Variants in CTNNA2 observed in about 807,000 individuals in gnomAD.
CTNNA2 encodes the protein catenin alpha 2.
CTNNA2 carries 42 observed loss-of-function variants against 101.0 expected under a neutral mutation model. The observed-to-expected ratio is 0.42, with a 90% CI of 0.32 to 0.54. The LOEUF (loss-of-function observed/expected upper bound fraction) is 0.54. Ranked by LOEUF, CTNNA2 falls within the 20% of genes least tolerant of loss-of-function variation. CTNNA2 has a pLI of 0.14. For synonymous variants in CTNNA2, 450 were observed against 456.4 expected (o/e 0.99, Z 0.18); for missense variants, 871 against 1,223.1 (o/e 0.71, Z 4.29).
At chr2:79,972,594 T>C (rs773927050) in intron 7 of CTNNA2, among the ~76,000 whole-genome samples, 20 of 152,118 alleles carry the variant, frequency 1.3e-4, no homozygotes, top group South Asian at 8.3e-4. Flanking sequence ...AAAAATTAGA[T>C]ATGCTGGAGT....
At chr2:80,278,416 G>T in intron 7 of CTNNA2, among the ~76,000 whole-genome samples, 1 of 152,062 alleles carries the variant, frequency 6.6e-6, no homozygotes, top group East Asian at 1.9e-4. Flanking sequence ...GCCACCTACT[G>T]GTGGTTGAAG....
Position 79,869,987 on chromosome 2 carries a change from C to A in CTNNA2, c.585+52C>A, listed in dbSNP as rs763390856. On this transcript the variant is annotated intron_variant, in intron 5 of 18. Coordinates refer to ENST00000402739, the MANE Select transcript of CTNNA2 (RefSeq NM_001282597.3). ...GGAGAAAATGGGTGAGTTTAAATAA[C>A]CCTGTAGCTTTTTAGGCCTGAACAA... The A allele has an allele frequency of 3.1e-6, 5 of 1,597,270 alleles. No homozygotes were observed. The Admixed American group carries it at 6.8e-5, about 22-fold the overall frequency.
rs544617238 is a variant in CTNNA2 at position 79,865,626 on chromosome 2, A to G, written c.466-4190A>G. ...AGGCAGGGATGTATCAGACTCCTCA[A>G]TTCCACACTATCCCATCCCCAGATG... is the stretch of plus-strand genomic sequence containing the variant. On this transcript the variant is annotated intron_variant, in intron 4 of 18. Coordinates refer to ENST00000402739, the MANE Select transcript of CTNNA2 (RefSeq NM_001282597.3). Among the ~76,000 whole-genome samples, 42 of 152,350 alleles carry G rather than the reference A, an allele frequency of 2.8e-4. 1 individual carries two copies. In the South Asian group the frequency reaches 8.3e-3, roughly 30 times the overall value.
intron 13 of CTNNA2, among the ~76,000 whole-genome samples, chr2:80,577,296 A>T (rs80251174): frequency 0.011 from 1,713 of 152,180 alleles, 38 homozygotes; most frequent in African/African-American, 0.04. Context: ...CCTAAAGGGG[A>T]TAGAGCTTCT....
At chr2:80,272,924 A>C (rs920986085) in intron 7 of CTNNA2, among the ~76,000 whole-genome samples, 2 of 152,166 alleles carry the variant, frequency 1.3e-5, no homozygotes, top group African/African-American at 4.8e-5. Context: ...AGAAAATCTG[A>C]AAGACCAAAC....
Position 80,588,660 on chromosome 2 carries a change from T to C in CTNNA2, c.2008-644T>C, listed in dbSNP as rs902556396. ...TTTATCCTTTATCCCATTATAACTT[T>C]TCTGCCTACGTACTCAAAGGCTTTA... is the stretch of plus-strand genomic sequence containing the variant. On this transcript the variant is annotated intron_variant, in intron 14 of 18. Coordinates refer to ENST00000402739, the MANE Select transcript of CTNNA2 (RefSeq NM_001282597.3). Among the ~76,000 whole-genome samples, 5 of 152,312 alleles carry C rather than the reference T, an allele frequency of 3.3e-5. No homozygotes were observed. In the East Asian group the frequency reaches 9.6e-4, roughly 29 times the overall value.
rs1410736508 is a variant in CTNNA2 at position 80,205,883 on chromosome 2, T to G, written c.1057-187328T>G. On this transcript the variant is annotated intron_variant, in intron 7 of 18. Coordinates refer to ENST00000402739, the MANE Select transcript of CTNNA2 (RefSeq NM_001282597.3). ...TTAAAAATCCAAAGTTCTGACATCT[T>G]GAATATAACAACTGACACTAAAAGT... Among the ~76,000 whole-genome samples the G allele has an allele frequency of 2.0e-5, 3 of 152,240 alleles. No individual in the cohort carries two copies. In the East Asian group the frequency reaches 5.8e-4, roughly 29 times the overall value.
Position 79,316,362 on chromosome 2 carries a change from G to C in CTNNA2, c.-318+3566G>C, listed in dbSNP as rs558638558. On this transcript the variant is annotated intron_variant, in intron 3 of 21. Transcript: ENST00000466387. The stretch of plus-strand genomic sequence containing the variant: ...TTTGCAGCAAGTTTTGAAACTGGAA[G>C]GAGTGAGTCCTCCAGCTTTTCTCTT... Among the ~76,000 whole-genome samples, 5 of 152,142 alleles carry C rather than the reference G, an allele frequency of 3.3e-5. 1 individual carries two copies. Among genetic ancestry groups the C allele is most frequent in the African/African-American group, 1.2e-4 (5 of 41,540 alleles).
chr2:80,398,658 C>A (rs1442243107), intron 8 of CTNNA2, among the ~76,000 whole-genome samples: 1 of 147,482 alleles, frequency 6.8e-6, no homozygotes, highest in East Asian at 2.0e-4. Flanking sequence ...AGTTCAAGAC[C>A]AGCCTGACCA....
intron 7 of CTNNA2, among the ~76,000 whole-genome samples, chr2:80,371,999 G>A (rs190853943): frequency 1.3e-5 from 2 of 152,164 alleles, no homozygotes; most frequent in African/African-American, 4.8e-5. Context: ...CTAATAATAA[G>A]GTGGTCATAA....
At chr2:80,641,104 CAAAAATGAAAA>C (rs1673426126) in intron 18 of CTNNA2, among the ~76,000 whole-genome samples, 1 of 152,132 alleles carries the variant, frequency 6.6e-6, no homozygotes, top group Non-Finnish European at 1.5e-5. Context: ...CTCTGACTTA[CAAAAATGAAAA>C]TAAAATAGCA....
intron 2 of CTNNA2, among the ~76,000 whole-genome samples, chr2:79,227,638 A>G (rs1308685447): frequency 6.6e-6 from 1 of 152,198 alleles, no homozygotes; most frequent in African/African-American, 2.4e-5. Context: ...ACACTATATC[A>G]TAGTTTATTA....
At chr2:79,951,543 T>A (rs542159038) in intron 7 of CTNNA2, among the ~76,000 whole-genome samples, 1 of 151,932 alleles carries the variant, frequency 6.6e-6, no homozygotes, top group Non-Finnish European at 1.5e-5. Context: ...TGTGCACTTG[T>A]AATCCCAGCT....
chr2:79,559,871 A>T (rs1412277308), intron 1 of CTNNA2, among the ~76,000 whole-genome samples: 1 of 151,912 alleles, frequency 6.6e-6, no homozygotes, highest in Non-Finnish European at 1.5e-5. Flanking sequence ...CAGGCTAGTG[A>T]TAATAAATTC....
chr2:79,652,255 ACCAAAT>A (rs1290750368), intron 2 of CTNNA2, among the ~76,000 whole-genome samples: 1 of 133,718 alleles, frequency 7.5e-6, no homozygotes, highest in Non-Finnish European at 1.6e-5. Context: ...TTTTTTTTTT[ACCAAAT>A]TATAATAGAG....
At chr2:80,263,595 C>A (rs1418167312) in intron 7 of CTNNA2, among the ~76,000 whole-genome samples, 1 of 152,182 alleles carries the variant, frequency 6.6e-6, no homozygotes, top group Admixed American at 6.5e-5. Context: ...CTCGGCCTCC[C>A]AAAGTGCAGG....
At chr2:80,128,163 C>T (rs1384328800) in intron 7 of CTNNA2, among the ~76,000 whole-genome samples, 1 of 151,926 alleles carries the variant, frequency 6.6e-6, no homozygotes, top group African/African-American at 2.4e-5. Flanking sequence ...CAGCCACTGG[C>T]AGAAGTTGTG....
Position 80,470,353 on chromosome 2 carries a change from G to T in CTNNA2, c.1290+50752G>T, listed in dbSNP as rs116297391. Among the ~76,000 whole-genome samples, 332 of 152,182 alleles carry T rather than the reference G, an allele frequency of 2.2e-3. 5 individuals carry two copies. The highest frequency in any genetic ancestry group is 7.6e-3 in the African/African-American group (314 of 41,496). On this transcript the variant is annotated intron_variant, in intron 9 of 18. Coordinates refer to ENST00000402739, the MANE Select transcript of CTNNA2 (RefSeq NM_001282597.3). ...GCTGGGGATGGAAAGGAGATAAAGGGCCAGATAAGGATTTGGGAGCCACAG... is the reference window on the plus strand; with the variant it reads ...GCTGGGGATGGAAAGGAGATAAAGGTCCAGATAAGGATTTGGGAGCCACAG...
intron 18 of CTNNA2, among the ~76,000 whole-genome samples, chr2:80,632,923 A>G (rs1672450865): frequency 6.6e-6 from 1 of 152,232 alleles, no homozygotes; most frequent in Non-Finnish European, 1.5e-5. Flanking sequence ...AAAAATAAAT[A>G]GAAACTCAAA....
Sources: gnomAD v4.1 joint callset for allele counts (sites outside exome capture counted in the v4.1 genomes callset) on GRCh38, gnomAD v4.1.1 for gene constraint, MANE v1.5 for transcripts, NCBI Gene and HGNC (gene_info 2026-07-23, HGNC 2026-07-21) for gene names.